The following SARS2 variants were observed in gnomAD, a reference collection of about 807,000 sequenced individuals.
SARS2 encodes the protein seryl-tRNA synthetase 2, mitochondrial.
SARS2 carries 52 observed loss-of-function variants against 66.8 expected under a neutral mutation model. The observed-to-expected ratio is 0.78, with a 90% confidence interval of 0.62 to 0.98. The LOEUF is 0.98. Among genes scored for constraint, SARS2 ranks in the 50% least tolerant of loss-of-function variants. The pLI, the probability that SARS2 is intolerant of heterozygous loss-of-function variation, is 0.00. For synonymous variants in SARS2, 306 were observed against 281.4 expected (o/e 1.09, Z -0.87); for missense variants, 673 against 706.3 (o/e 0.95, Z 0.53).
At position 38,915,361 on chromosome 19, in the gene SARS2, C is replaced by A. The variant is rs1231446539; in HGVS notation, c.*245G>T. The stretch of plus-strand genomic sequence containing the variant: ...GCCTCTTCCTCTGCTTCTCCTGTCC[C>A]TAGAACCGTAAAGCCCAGACGTCCT... On this transcript the variant is annotated 3_prime_UTR_variant, in exon 16 of 16. Coordinates refer to ENST00000221431, the MANE Select transcript of SARS2 (RefSeq NM_017827.4). 1.7e-6 allele frequency: 1 copy of A among 582,828 alleles called. No homozygotes were observed. The highest frequency in any genetic ancestry group is 1.9e-5 in the African/African-American group (1 of 53,660). The allele number at this position is 582,828 out of a possible 1,614,324, so 36.1% of individuals were successfully genotyped here.
Position 38,918,079 on chromosome 19 carries a change from G to A in SARS2, c.962+15C>T, listed in dbSNP as rs1600164053. 1.9e-6 allele frequency: 3 copies of A among 1,606,104 alleles called. No homozygotes were observed. The highest frequency in any genetic ancestry group is 2.5e-6 in the Non-Finnish European group (3 of 1,176,516). ...GTCACAGGTGGGGTCAAGGTCTAAG[G>A]AAACCAGGTGTCACCTGACTGGCAG... On this transcript the variant is annotated intron_variant, in intron 10 of 15. Coordinates refer to ENST00000221431, the MANE Select transcript of SARS2 (RefSeq NM_017827.4).
intron 6 of SARS2, 80 bp downstream of exon 6, chr19:38,920,006 T>G (rs1353776661): frequency 7.1e-7 from 1 of 1,406,556 alleles, no homozygotes; most frequent in Non-Finnish European, 9.9e-7. Flanking sequence ...CATCTCACGC[T>G]GAGGCCAATG....
chr19:38,920,275 G>C lies in SARS2; in HGVS notation c.590-126C>G, dbSNP rs1368347593. 7 of 752,346 alleles carry C rather than the reference G, an allele frequency of 9.3e-6. No homozygotes were observed. In the Admixed American group the frequency reaches 1.4e-4, roughly 16 times the overall value. 46.6% of individuals were successfully genotyped at this position (752,346 alleles called of 1,614,324 possible). On this transcript the variant is annotated intron_variant, in intron 5 of 15. Transcript: ENST00000221431. ...AAAATAAAGGAGGGGCAGGAGGAGA[G>C]AAGGGAGAAGAAGACACGGAAAGGG...
chr19:38,915,509 A>T lies in SARS2; in HGVS notation c.*97T>A, dbSNP rs1325930186. 1.4e-6 allele frequency: 2 copies of T among 1,448,998 alleles called. No homozygotes were observed. 89.8% of individuals were successfully genotyped at this position (1,448,998 alleles called of 1,614,324 possible). ...CGTGGAGCTGACAGGAAGAACACAG[A>T]TGTCAGGACGGGCTCAGCAACACAG... On this transcript the variant is annotated 3_prime_UTR_variant, in exon 16 of 16. Transcript: ENST00000221431.
Position 38,918,469 on chromosome 19 carries a change from C to T in SARS2, c.869G>A (p.Arg290His), listed in dbSNP as rs780828600. The T allele has an allele frequency of 3.7e-6, 6 of 1,614,180 alleles. No individual in the cohort carries two copies. The highest frequency in any genetic ancestry group is 1.1e-5 in the South Asian group (1 of 91,090). The change falls in exon 9 of 16, where the codon CGC (arginine) becomes CAC (histidine). Residue 290 changes from arginine (R) to histidine (H), a missense_variant. Transcript: ENST00000221431. ...TCCAGCCAGGTTGAGATCTTTGAAGCGGGCAGGGTCGATGTTGTAAATTTG... is the reference window on the plus strand; with the variant it reads ...TCCAGCCAGGTTGAGATCTTTGAAGTGGGCAGGGTCGATGTTGTAAATTTG... Reference protein sequence around the residue: ...PSQIYNIDPARFKDLNLAGTA... With the variant: ...PSQIYNIDPAHFKDLNLAGTA...
chr19:38,921,319 G>T, intron 5 of SARS2, 73 bp downstream of exon 5: 1 of 1,528,972 alleles, frequency 6.5e-7, no homozygotes, highest in Admixed American at 1.8e-5. Context: ...AGACCCCAGG[G>T]GCCCCCACCC....
At chr19:38,915,992 G>A (rs112008933) in intron 14 of SARS2, 45 bp downstream of exon 14, 1 of 1,612,332 alleles carries the variant, frequency 6.2e-7, no homozygotes, top group South Asian at 1.1e-5. Flanking sequence ...GGGCGGCAGA[G>A]GCTGCGGGCG....
chr19:38,915,678 G>T lies in SARS2; in HGVS notation c.1485C>A (p.His495Gln). 2 of 1,613,308 alleles carry T rather than the reference G, an allele frequency of 1.2e-6. No homozygotes were observed. Among genetic ancestry groups the T allele is most frequent in the Non-Finnish European group, 1.7e-6 (2 of 1,179,648 alleles). The change falls in exon 16 of 16, where the codon CAC becomes CAA. Residue 495 changes from histidine to glutamine, a missense_variant. Transcript: ENST00000221431. The part of the protein sequence containing the change: ...LGTDRITAPT[H>Q]VPLQYIGPNQ... ...TGGGGCCGATGTACTGGAGAGGCACGTGGGTAGGGGCTGTGATCCGATCAG... is the reference window on the plus strand; with the variant it reads ...TGGGGCCGATGTACTGGAGAGGCACTTGGGTAGGGGCTGTGATCCGATCAG...
Position 38,926,236 on chromosome 19 carries a change from G to C in SARS2, c.332C>G (p.Ala111Gly). ...EQIRSLEEEKAAVTEAVRALL... is the reference protein window; with the variant it reads ...EQIRSLEEEKGAVTEAVRALL... Reference sequence around the variant, plus strand: ...GGCCCGCACTGCCTCAGTCACAGCTGCCTTCTCTTCCTCCAGGCTCCGGAT... The same window carrying C: ...GGCCCGCACTGCCTCAGTCACAGCTCCCTTCTCTTCCTCCAGGCTCCGGAT... The change falls in exon 2 of 16, where the codon GCA becomes GGA. Residue 111 changes from alanine (A) to glycine (G), a missense_variant. Physicochemically the swap from Ala to Gly is moderately conservative, Grantham distance 60. Transcript: ENST00000221431. The C allele has an allele frequency of 6.2e-7, 1 of 1,606,806 alleles. No individual in the cohort carries two copies.
chr19:38,922,139 G>A (rs1974548627), intron 3 of SARS2, 99 bp downstream of exon 3: 1 of 1,598,588 alleles, frequency 6.3e-7, no homozygotes, highest in Non-Finnish European at 8.6e-7. Flanking sequence ...CCTTAAACCT[G>A]TTTGAGTTGT....
chr19:38,930,392 T>C (rs1974713166), intron 1 of SARS2, 78 bp downstream of exon 1: 1 of 1,507,042 alleles, frequency 6.6e-7, no homozygotes, highest in Admixed American at 2.1e-5. Flanking sequence ...GTTCGCCCCC[T>C]GCCGGAGGGC....
Position 38,915,512 on chromosome 19 carries a change from T to A in SARS2, c.*94A>T, listed in dbSNP as rs1974393296. 6.7e-7 allele frequency: 1 copy of A among 1,484,506 alleles called. No individual in the cohort carries two copies. The highest frequency in any genetic ancestry group is 1.4e-5 in the African/African-American group (1 of 72,262). 92.0% of individuals were successfully genotyped at this position (1,484,506 alleles called of 1,614,324 possible). A position where few individuals can be genotyped will look rare whatever the true frequency, so the allele number is the denominator to read the frequency against. ...GGAGCTGACAGGAAGAACACAGATG[T>A]CAGGACGGGCTCAGCAACACAGGTC... On this transcript the variant is annotated 3_prime_UTR_variant, in exon 16 of 16. Transcript: ENST00000221431.
chr19:38,926,301 C>A lies in SARS2; in HGVS notation c.268-1G>T, dbSNP rs1568428249. 1.9e-6 allele frequency: 3 copies of A among 1,603,360 alleles called. No homozygotes were observed. The highest frequency in any genetic ancestry group is 1.7e-6 in the Non-Finnish European group (2 of 1,179,868). On this transcript the variant is annotated splice_acceptor_variant, in intron 1 of 15. Coordinates refer to ENST00000221431, the MANE Select transcript of SARS2 (RefSeq NM_017827.4). LOFTEE classifies it high-confidence loss of function. ...GCCTCAGCTCCTGCCATGTCGAGAT[C>A]TGGGGTGGATATAAGAGAAAAGGAG...
At chr19:38,916,614 C>T (rs539801941) in intron 12 of SARS2, among the ~76,000 whole-genome samples, 1 of 149,858 alleles carries the variant, frequency 6.7e-6, no homozygotes, top group South Asian at 2.1e-4. Flanking sequence ...CAGGGTCCAC[C>T]GGCTCTTCAC....
chr19:38,926,144 T>C (rs956741366), intron 2 of SARS2, 61 bp downstream of exon 2: 18 of 1,375,176 alleles, frequency 1.3e-5, no homozygotes, highest in Non-Finnish European at 1.7e-5. Context: ...CGGTTTCCTG[T>C]TACCTGTGTC....
At chr19:38,920,894 C>G (rs542559346) in intron 5 of SARS2, among the ~76,000 whole-genome samples, 7 of 151,706 alleles carry the variant, frequency 4.6e-5, no homozygotes, top group Non-Finnish European at 1.0e-4. Flanking sequence ...GACACACACA[C>G]ACACAAACAC....
rs375551784 is a variant in SARS2 at position 38,920,132 on chromosome 19, G to A, written c.607C>T (p.Arg203Trp). Residue 203 changes from arginine to tryptophan, a missense_variant, in exon 6 of 16, where the codon CGG (arginine) becomes TGG (tryptophan). Physicochemically the swap from Arg to Trp is moderately radical, Grantham distance 101 (BLOSUM62 -3). Coordinates refer to ENST00000221431, the MANE Select transcript of SARS2 (RefSeq NM_017827.4). The stretch of plus-strand genomic sequence containing the variant: ...TTCTCGCCAATTTCCAGGTGGCCCC[G>A]AGGTTGGAAGGAGAAAACTGGATGT... Reference protein sequence around the residue: ...GDKPVFSFQPRGHLEIGEKLD... With the variant: ...GDKPVFSFQPWGHLEIGEKLD... 3.5e-5 allele frequency: 55 copies of A among 1,560,850 alleles called. No individual in the cohort carries two copies. Among genetic ancestry groups the A allele is most frequent in the Middle Eastern group, 1.7e-4 (1 of 6,022 alleles).
In SARS2 at chr19:38,922,106, A is replaced by G. The variant is rs1210088720; in HGVS notation, c.393+132T>C. 4 of 1,602,292 alleles carry G rather than the reference A, an allele frequency of 2.5e-6. No homozygotes were observed. In the East Asian group the frequency reaches 9.0e-5, roughly 36 times the overall value. On this transcript the variant is annotated intron_variant, in intron 3 of 15. Transcript: ENST00000221431. The stretch of plus-strand genomic sequence containing the variant: ...GAAGCCAGTTTTAGTTTCATGCATC[A>G]ATAGAGCCTATTTTTTTTTTCCCCT...
At chr19:38,919,947 GC>G in intron 6 of SARS2, 80 bp from the exon 7 acceptor site, 1 of 1,410,250 alleles carries the variant, frequency 7.1e-7, no homozygotes. Context: ...GGGGGAAGAG[GC>G]CCGGCTGCTG....
Sources: allele counts gnomAD v4.1 joint callset (sites outside exome capture counted in the v4.1 genomes callset), GRCh38; gene constraint gnomAD v4.1.1; transcripts MANE v1.5; gene names NCBI Gene and HGNC (gene_info 2026-07-23, HGNC 2026-07-21).